The following CFAP99 variants were observed in gnomAD, a reference collection of about 807,000 sequenced individuals.
CFAP99 encodes cilia and flagella associated protein 99, also known as cilia- and flagella-associated protein 99.
Under a neutral mutation model 82.7 loss-of-function variants are expected in CFAP99, and 84 were observed. The ratio of observed to expected loss-of-function variants is 1.02; its 90% CI spans 0.85 to 1.22. The LOEUF (loss-of-function observed/expected upper bound fraction) is 1.22. Among genes scored for constraint, CFAP99 ranks in the 50% most tolerant of loss-of-function variants. The probability of loss-of-function intolerance (pLI) is 0.00; values close to 1 mark genes in which losing one functional copy is unlikely to be tolerated. For missense variants in CFAP99, 1,059 were observed against 983.5 expected, an observed-to-expected ratio of 1.08 and a Z score of -1.03; for synonymous variants, 456 against 429.5, an observed-to-expected ratio of 1.06 and a Z score of -0.76.
At chr4:2,440,490 G>T (rs1337094683) in intron 4 of CFAP99, among the ~76,000 whole-genome samples, 1 of 150,296 alleles carries the variant, frequency 6.7e-6, no homozygotes, top group African/African-American at 2.4e-5. Flanking sequence ...GGTGCCTCAC[G>T]CCTGTAATCC....
chr4:2,455,957 A>T (rs1355596559), intron 11 of CFAP99, among the ~76,000 whole-genome samples: 1 of 152,192 alleles, frequency 6.6e-6, no homozygotes, highest in African/African-American at 2.4e-5. Flanking sequence ...TAGTACCACA[A>T]CCCGACGCAT....
intron 8 of CFAP99, 36 bp from the exon 9 acceptor site, chr4:2,450,911 G>A: frequency 6.5e-7 from 1 of 1,527,614 alleles, no homozygotes; most frequent in Non-Finnish European, 8.8e-7. Context: ...AGCAGGCACA[G>A]GTGCCAGGCG....
chr4:2,437,810 C>A (rs1733950258), intron 3 of CFAP99, among the ~76,000 whole-genome samples: 1 of 152,206 alleles, frequency 6.6e-6, no homozygotes, highest in African/African-American at 2.4e-5. Context: ...AATGATTTCA[C>A]TTTTACCTGG....
Position 2,420,035 on chromosome 4 carries a change from C to T in CFAP99, c.-18+942C>T, listed in dbSNP as rs184839381. ...TCTCTTCCTTGAACTGTCACTACCA[C>T]GTGACCCAGCCGACTGTGCCCTCTC... is the stretch of plus-strand genomic sequence containing the variant. On this transcript the variant is annotated intron_variant, in intron 1 of 14. Coordinates refer to ENST00000635017, the Ensembl canonical transcript of CFAP99. 2.6e-5 allele frequency among the ~76,000 whole-genome samples: 4 copies of T among 152,082 alleles called. No homozygotes were observed. The East Asian group carries it at 5.8e-4, about 22-fold the overall frequency.
At chr4:2,436,962 C>A in exon 3 of CFAP99, 2 of 1,536,096 alleles carry the variant, frequency 1.3e-6, no homozygotes, top group Non-Finnish European at 1.7e-6. Context: ...GTGGTGGATG[C>A]CTTCTACGTG....
intron 7 of CFAP99, 85 bp from the exon 8 acceptor site, chr4:2,449,849 G>A: frequency 6.5e-7 from 1 of 1,529,492 alleles, no homozygotes; most frequent in Non-Finnish European, 8.8e-7. Flanking sequence ...AAGAGGGGGA[G>A]GCTGGGTGGA....
chr4:2,438,006 G>A, intron 3 of CFAP99, 64 bp from the exon 4 acceptor site: 1 of 994,730 alleles, frequency 1.0e-6, no homozygotes, highest in East Asian at 2.7e-5. Context: ...TTCGGCTCCG[G>A]TCCCGCCGTG....
chr4:2,460,028 A>G lies in CFAP99; in HGVS notation c.1456-9A>G. The stretch of plus-strand genomic sequence containing the variant: ...CTCCCAGCTTGGGGCCTCCCCTACC[A>G]CCCCACAGATCCCCGGCTACGGCCT... On this transcript the variant is annotated splice_polypyrimidine_tract_variant and intron_variant, in intron 13 of 14. Transcript: ENST00000635017. The G allele has an allele frequency of 6.5e-7, 1 of 1,535,514 alleles. No individual in the cohort carries two copies. Among genetic ancestry groups the G allele is most frequent in the East Asian group, 2.4e-5 (1 of 40,916 alleles).
chr4:2,443,041 C>A lies in CFAP99; in HGVS notation c.352-89C>A, dbSNP rs1734084449. The A allele has an allele frequency of 2.1e-5, 14 of 666,792 alleles. 1 individual carries two copies. In the South Asian group the frequency reaches 2.4e-4, roughly 11 times the overall value. 41.3% of individuals were successfully genotyped at this position (666,792 alleles called of 1,614,324 possible). ...CTGGGGGTGCTGGGGGCCTTGGGGG[C>A]AGGGAGCTCACTGGGGGTGCTGGGG... is the stretch of plus-strand genomic sequence containing the variant. On this transcript the variant is annotated intron_variant, in intron 4 of 14. Transcript: ENST00000635017.
intron 2 of CFAP99, among the ~76,000 whole-genome samples, chr4:2,435,441 A>C (rs922907655): frequency 6.6e-6 from 1 of 152,192 alleles, no homozygotes; most frequent in African/African-American, 2.4e-5. Flanking sequence ...CTTACAACAA[A>C]TAACTATCAT....
At chr4:2,435,926 C>CTCAGGAGGCCGAGGTGGGGAGCAGCTAT (rs1733898427) in intron 2 of CFAP99, among the ~76,000 whole-genome samples, 1 of 150,424 alleles carries the variant, frequency 6.6e-6, no homozygotes, top group Non-Finnish European at 1.5e-5. Context: ...GGAGCAGCTA[C>CTCAGGAGGCCGAGGTGGGGAGCAGCTAT]TCAGGAGGCC....
intron 2 of CFAP99, among the ~76,000 whole-genome samples, chr4:2,431,035 G>A (rs770295646): frequency 5.3e-5 from 8 of 151,586 alleles, no homozygotes; most frequent in Non-Finnish European, 1.2e-4. Context: ...TTGCACCACT[G>A]CACTGCAGCC....
In CFAP99 at chr4:2,459,259, G is replaced by A; in HGVS notation, c.1455+1G>A. 3.9e-6 allele frequency: 6 copies of A among 1,531,990 alleles called. No individual in the cohort carries two copies. Among genetic ancestry groups the A allele is most frequent in the South Asian group, 1.2e-5 (1 of 83,536 alleles). The allele number at this position is 1,531,990 out of a possible 1,614,324, so 94.9% of individuals were successfully genotyped here. A position where few individuals can be genotyped will look rare whatever the true frequency, so the allele number is the denominator to read the frequency against. On this transcript the variant is annotated splice_donor_variant, in intron 13 of 14. Coordinates refer to ENST00000635017, the Ensembl canonical transcript of CFAP99. LOFTEE classifies it high-confidence loss of function. ...GGGCAAGCTCGTGGACCTGACCCAG[G>A]TGAGGATGCAGTCCTGGACGGGCCC...
chr4:2,425,025 G>C (rs1026749966), intron 1 of CFAP99, among the ~76,000 whole-genome samples: 1 of 152,092 alleles, frequency 6.6e-6, no homozygotes, highest in African/African-American at 2.4e-5. Flanking sequence ...ACTTTCTATA[G>C]CTTCATCTTT....
rs1014015812 is a variant in CFAP99 at position 2,462,395 on chromosome 4, C to G, written c.1662-48C>G. ...ACACGGGTGGCATCCTGGGTCTGGC[C>G]TGGGCCTCCCGCCGGCCTGCTCCTG... On this transcript the variant is annotated intron_variant, in intron 14 of 14. Coordinates refer to ENST00000635017, the Ensembl canonical transcript of CFAP99. The surrounding 1 kb of genome is among the most constrained non-coding windows in gnomAD (Gnocchi z 4.1). 1.4e-6 allele frequency: 2 copies of G among 1,391,660 alleles called. No homozygotes were observed. Among genetic ancestry groups the G allele is most frequent in the Non-Finnish European group, 1.8e-6 (2 of 1,085,604 alleles). The allele number at this position is 1,391,660 out of a possible 1,614,324, so 86.2% of individuals were successfully genotyped here. A position where few individuals can be genotyped will look rare whatever the true frequency, so the allele number is the denominator to read the frequency against.
intron 2 of CFAP99, among the ~76,000 whole-genome samples, chr4:2,433,904 T>C (rs1015046): frequency 0.69 from 105,603 of 152,172 alleles, 37,131 homozygotes; most frequent in East Asian, 0.99. Context: ...AGCTGGGCAC[T>C]TCCATGCAGG....
At chr4:2,422,554 C>T (rs1414317280) in intron 1 of CFAP99, among the ~76,000 whole-genome samples, 1 of 152,176 alleles carries the variant, frequency 6.6e-6, no homozygotes, top group African/African-American at 2.4e-5. Flanking sequence ...GGGGAGACGG[C>T]AGGGAAACTG....
intron 5 of CFAP99, 110 bp downstream of exon 5, chr4:2,443,352 A>G (rs1734095203): frequency 2.9e-6 from 2 of 693,620 alleles, no homozygotes; most frequent in Non-Finnish European, 2.6e-6. Context: ...CAGAAGCTCT[A>G]TGAGTGTCAG....
intron 5 of CFAP99, 47 bp downstream of exon 5, chr4:2,443,289 CCATTCCAGGTGCCTCCACGG>C (rs746972580): frequency 7.9e-7 from 1 of 1,262,792 alleles, no homozygotes; most frequent in South Asian, 1.3e-5. Context: ...CATCTGCACC[CCATTCCAGGTGCCTCCACGG>C]GCACGGGAGC....
Sources: gnomAD v4.1 joint callset for allele counts (sites outside exome capture counted in the v4.1 genomes callset) on GRCh38, gnomAD v4.1.1 for gene constraint, Gnocchi (gnomAD v3.1) non-coding constraint, MANE v1.5 for transcripts, NCBI Gene and HGNC (gene_info 2026-07-23, HGNC 2026-07-21) for gene names.